Variants in ACTR2 observed in about 807,000 individuals in gnomAD.
ACTR2 encodes the protein actin related protein 2.
Under a neutral mutation model 50.2 loss-of-function variants are expected in ACTR2, and 5 were observed. The ratio of observed to expected loss-of-function variants is 0.10; its 90% CI spans 0.05 to 0.21. The LOEUF (loss-of-function observed/expected upper bound fraction) is 0.21, where lower values mean the gene tolerates loss of function less well. ACTR2 is among the 10% of genes least tolerant of loss of function. ACTR2 has a pLI of 1.00. For missense variants in ACTR2, 180 were observed against 480.6 expected (o/e 0.37, Z 5.85); for synonymous variants, 140 against 162.9 (o/e 0.86, Z 1.07).
intron 3 of ACTR2, 72 bp from the exon 4 acceptor site, chr2:65,250,955 C>A: frequency 1.9e-6 from 2 of 1,073,782 alleles, no homozygotes; most frequent in Non-Finnish European, 2.7e-6. Context: ...CACTCTGTGA[C>A]CATGAGGAAA....
chr2:65,261,271 G>C lies in ACTR2; in HGVS notation c.760G>C (p.Val254Leu), dbSNP rs1386643184. The C allele has an allele frequency of 6.2e-7, 1 of 1,614,068 alleles. No individual in the cohort carries two copies. Among genetic ancestry groups the C allele is most frequent in the Non-Finnish European group, 8.5e-7 (1 of 1,180,006 alleles). ...YTLPDGRIIK[V>L]GGERFEAPEA... Reference sequence around the variant, plus strand: ...GCTCCCAGATGGACGTATCATCAAAGTTGGGGGAGAGAGATTTGAAGCACC... The same window carrying C: ...GCTCCCAGATGGACGTATCATCAAACTTGGGGGAGAGAGATTTGAAGCACC... Residue 254 changes from valine (V) to leucine (L), a missense_variant, in exon 7 of 9, where the codon GTT becomes CTT. Val to Leu is a conservative substitution (Grantham distance 32, BLOSUM62 1). Coordinates refer to ENST00000260641, the MANE Select transcript of ACTR2 (RefSeq NM_005722.4).
Position 65,253,901 on chromosome 2 carries a change from G to T in ACTR2, c.585+37G>T, listed in dbSNP as rs1038523154. 10 of 1,576,504 alleles carry T rather than the reference G, an allele frequency of 6.3e-6. No homozygotes were observed. In the African/African-American group the frequency reaches 1.4e-4, roughly 21 times the overall value. ...GAAAATATCATGGAAATTAAATTTT[G>T]TAATTTGTTTACCACCTTAACACAG... On this transcript the variant is annotated intron_variant, in intron 5 of 8. Coordinates refer to ENST00000260641, the MANE Select transcript of ACTR2 (RefSeq NM_005722.4).
At chr2:65,245,526 AT>A (rs1487640439) in intron 2 of ACTR2, among the ~76,000 whole-genome samples, 1 of 152,202 alleles carries the variant, frequency 6.6e-6, no homozygotes, top group African/African-American at 2.4e-5. Flanking sequence ...TCTCAAAAAA[AT>A]AATCTCGTGT....
At chr2:65,261,843 C>T (rs1672275882) in intron 7 of ACTR2, among the ~76,000 whole-genome samples, 1 of 152,218 alleles carries the variant, frequency 6.6e-6, no homozygotes, top group East Asian at 1.9e-4. Context: ...TACTAATTCA[C>T]ACTCCCACCA....
In ACTR2 at chr2:65,246,639, C is replaced by T. The variant is rs1558623581; in HGVS notation, c.275C>T (p.Thr92Ile). 1 of 1,613,486 alleles carries T rather than the reference C, an allele frequency of 6.2e-7. No individual in the cohort carries two copies. Among genetic ancestry groups the T allele is most frequent in the Non-Finnish European group, 8.5e-7 (1 of 1,179,636 alleles). Residue 92 changes from threonine (T) to isoleucine (I), a missense_variant, in exon 3 of 9, where the codon ACA becomes ATA. Physicochemically the swap from Thr to Ile is moderately conservative, Grantham distance 89. Coordinates refer to ENST00000260641, the MANE Select transcript of ACTR2 (RefSeq NM_005722.4). ...WDDMKHLWDY[T>I]FGPEKLNIDT... is the part of the protein sequence containing the mutation. ...GACATGAAACACCTGTGGGACTACA[C>T]ATTTGGACCAGAGAAACTTAATATA...
intron 7 of ACTR2, 23 bp downstream of exon 7, chr2:65,261,415 A>G: frequency 6.3e-7 from 1 of 1,588,444 alleles, no homozygotes; most frequent in Non-Finnish European, 8.6e-7. Context: ...TGGTGATTTC[A>G]AAGTTATTTA....
rs935749888 is a variant in ACTR2 at position 65,251,983 on chromosome 2, G to A, written c.448+884G>A. Among the ~76,000 whole-genome samples, 4 of 151,830 alleles carry A rather than the reference G, an allele frequency of 2.6e-5. No homozygotes were observed. In the South Asian group the frequency reaches 8.3e-4, roughly 32 times the overall value. On this transcript the variant is annotated intron_variant, in intron 4 of 8. Coordinates refer to ENST00000260641, the MANE Select transcript of ACTR2 (RefSeq NM_005722.4). ...ACAGGAACTTACTGAGAATGTCTGGGCCTGTCAGATATGTGCCAAGGAGTC... is the reference window on the plus strand; with the variant it reads ...ACAGGAACTTACTGAGAATGTCTGGACCTGTCAGATATGTGCCAAGGAGTC...
At chr2:65,228,074 G>C (rs903766887) in intron 1 of ACTR2, 117 bp downstream of exon 1, 10 of 987,232 alleles carry the variant, frequency 1.0e-5, no homozygotes, top group Non-Finnish European at 1.4e-5. Flanking sequence ...GAAGGGGCGC[G>C]GGGCGGTGCC....
chr2:65,263,973 T>A (rs1183078780), intron 7 of ACTR2, among the ~76,000 whole-genome samples: 1 of 152,142 alleles, frequency 6.6e-6, no homozygotes, highest in Non-Finnish European at 1.5e-5. Context: ...GAGAATGGCG[T>A]GAACCTGGGA....
chr2:65,256,417 TCTGAGTATAAAGTACTTC>T (rs1672149570), intron 6 of ACTR2, among the ~76,000 whole-genome samples: 2 of 152,194 alleles, frequency 1.3e-5, no homozygotes, highest in South Asian at 4.1e-4. Context: ...ATTAAATTTG[TCTGAGTATAAAGTACTTC>T]CAGGTCTCAT....
At chr2:65,256,140 G>A (rs541291919) in intron 6 of ACTR2, among the ~76,000 whole-genome samples, 1 of 152,326 alleles carries the variant, frequency 6.6e-6, no homozygotes, top group South Asian at 2.1e-4. Flanking sequence ...AATTAATATA[G>A]TATGCGTGTT....
chr2:65,265,266 C>G, intron 8 of ACTR2, 91 bp downstream of exon 8: 1 of 1,455,666 alleles, frequency 6.9e-7, no homozygotes, highest in Admixed American at 1.7e-5. Flanking sequence ...GGGAGCAAGA[C>G]GTCTTCCAAA....
intron 1 of ACTR2, among the ~76,000 whole-genome samples, chr2:65,229,095 A>AC (rs1671587305): frequency 6.6e-6 from 1 of 152,152 alleles, no homozygotes; most frequent in African/African-American, 2.4e-5. Context: ...ATAAAAAAAA[A>AC]AAATTGTTTC....
intron 6 of ACTR2, among the ~76,000 whole-genome samples, chr2:65,258,538 A>G (rs566023423): frequency 3.3e-5 from 5 of 152,178 alleles, no homozygotes; most frequent in African/African-American, 1.2e-4. Context: ...GCAGAGAGCT[A>G]GGATTGCACC....
chr2:65,265,005 C>T, intron 7 of ACTR2, 38 bp from the exon 8 acceptor site: 1 of 1,611,676 alleles, frequency 6.2e-7, no homozygotes, highest in Non-Finnish European at 8.5e-7. Context: ...ATTTTCCTAA[C>T]CTAAAACTCC....
intron 4 of ACTR2, among the ~76,000 whole-genome samples, chr2:65,251,431 G>C (rs1211217921): frequency 6.6e-6 from 1 of 152,018 alleles, no homozygotes; most frequent in Non-Finnish European, 1.5e-5. Flanking sequence ...GTGCAATCTT[G>C]GCTTACCACA....
intron 3 of ACTR2, among the ~76,000 whole-genome samples, chr2:65,250,761 T>C (rs1170954399): frequency 6.6e-6 from 1 of 151,698 alleles, no homozygotes; most frequent in Admixed American, 6.6e-5. Context: ...TTCACACTAA[T>C]TAGTCATTAA....
intron 1 of ACTR2, among the ~76,000 whole-genome samples, chr2:65,230,947 G>C (rs1178765220): frequency 1.3e-5 from 2 of 151,880 alleles, no homozygotes; most frequent in Non-Finnish European, 2.9e-5. Flanking sequence ...CCAGCTACTT[G>C]GGAGGCTGAG....
At chr2:65,261,528 AC>A in intron 7 of ACTR2, 136 bp downstream of exon 7, 1 of 924,632 alleles carries the variant, frequency 1.1e-6, no homozygotes, top group Non-Finnish European at 1.6e-6. Flanking sequence ...TTTCAGACTT[AC>A]GGAAAGGTTG....
Sources: allele counts gnomAD v4.1 joint callset (sites outside exome capture counted in the v4.1 genomes callset), GRCh38; gene constraint gnomAD v4.1.1; transcripts MANE v1.5; gene names NCBI Gene and HGNC (gene_info 2026-07-23, HGNC 2026-07-21).